KIF1B: variants seen among roughly 807,000 people sequenced by gnomAD.
The protein encoded by KIF1B is kinesin-like protein KIF1B.
A neutral mutation model predicts 241.9 loss-of-function variants in KIF1B; 76 were observed. The observed-to-expected ratio is 0.31, with a 90% CI of 0.26 to 0.38. The LOEUF (loss-of-function observed/expected upper bound fraction) is 0.38. KIF1B is among the 10% of genes least tolerant of loss of function. The pLI, the probability that KIF1B is intolerant of heterozygous loss-of-function variation, is 1.00. For missense variants in KIF1B, 1,622 were observed against 2,271.4 expected, an observed-to-expected ratio of 0.71 and a Z score of 5.81; for synonymous variants, 750 against 796.7, an observed-to-expected ratio of 0.94 and a Z score of 0.99.
At position 10,365,257 on chromosome 1, in the gene KIF1B, C is replaced by G; in HGVS notation, c.4512+12C>G. ...AGCTCCTACATGAGGTATCCAGGGG[C>G]AGGGTTGTTCAGATGCAAGAACTCT... On this transcript the variant is annotated intron_variant, in intron 42 of 48. Transcript: ENST00000676179. The surrounding 1 kb of genome is among the most constrained non-coding windows in gnomAD (Gnocchi z 4.0). 1 of 1,613,790 alleles carries G rather than the reference C, an allele frequency of 6.2e-7. No individual in the cohort carries two copies. The highest frequency in any genetic ancestry group is 8.5e-7 in the Non-Finnish European group (1 of 1,179,866).
Position 10,261,058 on chromosome 1 carries a change from C to T in KIF1B, c.364-847C>T, listed in dbSNP as rs1164261763. On this transcript the variant is annotated intron_variant, in intron 4 of 48. Transcript: ENST00000676179. ...ATCAGCTCACTGCAACCTCCGCCTC[C>T]TGGGTTCAATTAATTCTTGTGCCTT... 2.6e-5 allele frequency among the ~76,000 whole-genome samples: 4 copies of T among 151,956 alleles called. No individual in the cohort carries two copies. In the East Asian group the frequency reaches 7.8e-4, roughly 30 times the overall value.
intron 34 of KIF1B, among the ~76,000 whole-genome samples, chr1:10,345,369 C>CT: frequency 6.6e-6 from 1 of 152,256 alleles, no homozygotes; most frequent in Admixed American, 6.5e-5. Flanking sequence ...GTGTCCTGGA[C>CT]TTTAAGGTCC....
At chr1:10,290,931 TTCTTA>T (rs1557691924) in intron 15 of KIF1B, 146 bp from the exon 16 acceptor site, 2 of 628,794 alleles carry the variant, frequency 3.2e-6, no homozygotes, top group East Asian at 2.9e-5. Context: ...ATCTTTATGA[TTCTTA>T]TCTTATGTAT....
At chr1:10,313,744 G>A (rs963907289) in intron 22 of KIF1B, among the ~76,000 whole-genome samples, 7 of 150,680 alleles carry the variant, frequency 4.6e-5, no homozygotes, top group Non-Finnish European at 1.0e-4. Flanking sequence ...TAGAGACGGG[G>A]TTTCACCGTG....
intron 27 of KIF1B, among the ~76,000 whole-genome samples, chr1:10,327,050 G>A (rs1012236870): frequency 2.0e-5 from 3 of 152,114 alleles, no homozygotes; most frequent in African/African-American, 4.8e-5. Context: ...GACCCCATCA[G>A]CAGTGAATAT....
intron 1 of KIF1B, among the ~76,000 whole-genome samples, chr1:10,228,699 A>G (rs1376710249): frequency 6.6e-6 from 1 of 152,172 alleles, no homozygotes; most frequent in Non-Finnish European, 1.5e-5. Context: ...GGACTATTGG[A>G]TCAAAGACTA....
chr1:10,297,260 AT>A lies in KIF1B; in HGVS notation c.2115+15del. On this transcript the variant is annotated intron_variant, in intron 22 of 48. Coordinates refer to ENST00000676179, the MANE Select transcript of KIF1B (RefSeq NM_001365951.3). ...CAGCAGAGACTGGTAGGAGTCCTGA[AT>A]CTGCTAAACTGTTGGGAAAAGGGCA... The A allele has an allele frequency of 6.2e-7, 1 of 1,609,902 alleles. No homozygotes were observed. The highest frequency in any genetic ancestry group is 8.5e-7 in the Non-Finnish European group (1 of 1,177,172).
chr1:10,281,418 A>C (rs1228426175), intron 14 of KIF1B, among the ~76,000 whole-genome samples: 4 of 152,184 alleles, frequency 2.6e-5, no homozygotes, highest in African/African-American at 9.7e-5. Flanking sequence ...TCTTTTACCA[A>C]TACTGAGTGT....
In KIF1B at chr1:10,348,636, C is replaced by A. The variant is rs1652675329; in HGVS notation, c.3865-13C>A. On this transcript the variant is annotated splice_polypyrimidine_tract_variant and intron_variant, in intron 36 of 48. Coordinates refer to ENST00000676179, the MANE Select transcript of KIF1B (RefSeq NM_001365951.3). ...TTGCTTCAGCTAAATTGCAACCCTGCTTCATTACCTAGGGCATCCAGCGAA... is the reference window on the plus strand; with the variant it reads ...TTGCTTCAGCTAAATTGCAACCCTGATTCATTACCTAGGGCATCCAGCGAA... 1 of 1,610,572 alleles carries A rather than the reference C, an allele frequency of 6.2e-7. No individual in the cohort carries two copies. Among genetic ancestry groups the A allele is most frequent in the African/African-American group, 1.3e-5 (1 of 74,858 alleles).
chr1:10,220,389 TAGATAGATGATAGATA>T (rs1646826641), intron 1 of KIF1B, among the ~76,000 whole-genome samples: 1 of 132,098 alleles, frequency 7.6e-6, no homozygotes, highest in Non-Finnish European at 1.6e-5. Flanking sequence ...GATAGATAGA[TAGATAGATGATAGATA>T]GATAGATAGA....
At chr1:10,245,452 TTA>T (rs1390698755) in intron 2 of KIF1B, among the ~76,000 whole-genome samples, 1 of 152,166 alleles carries the variant, frequency 6.6e-6, no homozygotes, top group Non-Finnish European at 1.5e-5. Flanking sequence ...TTTATGGAAA[TTA>T]TAGTGTCCTG....
At chr1:10,305,823 C>A in intron 22 of KIF1B, 2 of 1,052,632 alleles carry the variant, frequency 1.9e-6, no homozygotes, top group Middle Eastern at 4.3e-4. Context: ...TTATTTTCTA[C>A]ATCGTTCCTC....
chr1:10,223,531 T>TTTTTG (rs1242460235), intron 1 of KIF1B, among the ~76,000 whole-genome samples: 33 of 149,844 alleles, frequency 2.2e-4, no homozygotes, highest in South Asian at 6.3e-4. Flanking sequence ...GTGGTTTTTT[T>TTTTTG]TTTTGTTTTG....
At chr1:10,217,205 C>CT (rs1646780604) in intron 1 of KIF1B, among the ~76,000 whole-genome samples, 1 of 151,354 alleles carries the variant, frequency 6.6e-6, no homozygotes, top group Non-Finnish European at 1.5e-5. Flanking sequence ...AACTCCTGAC[C>CT]TCAGGTGATC....
At chr1:10,268,330 G>T (rs1648583894) in intron 7 of KIF1B, 67 bp downstream of exon 7, 9 of 1,067,810 alleles carry the variant, frequency 8.4e-6, no homozygotes, top group South Asian at 1.3e-5. Flanking sequence ...CCCTTTTGTT[G>T]CCCTCTGCTT....
Position 10,286,045 on chromosome 1 carries a change from G to GT in KIF1B, c.1434+3524dup, listed in dbSNP as rs1161155017. On this transcript the variant is annotated intron_variant, in intron 15 of 48. Coordinates refer to ENST00000676179, the MANE Select transcript of KIF1B (RefSeq NM_001365951.3). ...ACTCATGTCACACCATTGTAAAGAT[G>GT]TTTTTTTTTTTTGAGACAGAGTCTT... 3.0e-3 allele frequency among the ~76,000 whole-genome samples: 435 copies of GT among 144,690 alleles called. 1 individual carries two copies. Among genetic ancestry groups the GT allele is most frequent in the African/African-American group, 7.0e-3 (277 of 39,750 alleles). 94.9% of individuals were successfully genotyped at this position (144,690 alleles called of 152,430 possible). A position where few individuals can be genotyped will look rare whatever the true frequency, so the allele number is the denominator to read the frequency against.
In KIF1B at chr1:10,303,203, C is replaced by T. The variant is rs1176805638; in HGVS notation, c.2115+5957C>T. 4 of 1,613,832 alleles carry T rather than the reference C, an allele frequency of 2.5e-6. No individual in the cohort carries two copies. The highest frequency in any genetic ancestry group is 1.1e-5 in the South Asian group (1 of 91,052). The stretch of plus-strand genomic sequence containing the variant: ...AGCGGGGACGATTCTGACAAGAGGT[C>T]GTGTGAAGAGAGCTGGAAACTGATT... On this transcript the variant is annotated intron_variant, in intron 22 of 48. Transcript: ENST00000676179. This position sits in a 1 kb window ranked among gnomAD's most constrained non-coding sequence, Gnocchi z 5.2.
At chr1:10,211,671 CT>C (rs1370649359) in intron 1 of KIF1B, 2 of 151,842 alleles carry the variant, frequency 1.3e-5, no homozygotes, top group African/African-American at 4.8e-5. Context: ...ATTCCCGCCC[CT>C]AACGCCAGAA....
At chr1:10,216,577 G>T (rs997480509) in intron 1 of KIF1B, among the ~76,000 whole-genome samples, 1 of 152,026 alleles carries the variant, frequency 6.6e-6, no homozygotes, top group Non-Finnish European at 1.5e-5. Flanking sequence ...ATAGTGCTGG[G>T]GATTAGTGCC....
Sources: gnomAD v4.1 joint callset for allele counts (sites outside exome capture counted in the v4.1 genomes callset) on GRCh38, gnomAD v4.1.1 for gene constraint, Gnocchi (gnomAD v3.1) non-coding constraint, MANE v1.5 for transcripts, NCBI Gene and HGNC (gene_info 2026-07-23, HGNC 2026-07-21) for gene names.